The following EPHA3 variants were observed in gnomAD, a reference collection of about 807,000 sequenced individuals.
The protein encoded by EPHA3 is ephrin type-A receptor 3.
EPHA3 carries 42 observed loss-of-function variants against 107.1 expected under a neutral mutation model. The ratio of observed to expected loss-of-function variants is 0.39; its 90% CI spans 0.31 to 0.51. The LOEUF is 0.51. EPHA3 is among the 20% of genes least tolerant of loss of function. The pLI is 0.78. For synonymous variants in EPHA3, 461 were observed against 424.8 expected (o/e 1.09, Z -1.05); for missense variants, 1,183 against 1,211.2 (o/e 0.98, Z 0.35).
At chr3:89,314,199 A>T (rs1171415001) in intron 3 of EPHA3, among the ~76,000 whole-genome samples, 2 of 151,958 alleles carry the variant, frequency 1.3e-5, no homozygotes, top group Non-Finnish European at 2.9e-5. Flanking sequence ...TGTCAAATTT[A>T]GTTGCTATCT....
At chr3:89,430,413 C>T (rs780487117) in intron 12 of EPHA3, among the ~76,000 whole-genome samples, 6 of 151,992 alleles carry the variant, frequency 3.9e-5, no homozygotes, top group African/African-American at 1.2e-4. Context: ...TTTTCATAAT[C>T]GTTATTTCAA....
At chr3:89,280,012 T>C (rs938995586) in intron 3 of EPHA3, among the ~76,000 whole-genome samples, 3 of 148,744 alleles carry the variant, frequency 2.0e-5, no homozygotes, top group African/African-American at 7.5e-5. Flanking sequence ...GTTTCAACAA[T>C]TCTTGTGTGC....
intron 15 of EPHA3, among the ~76,000 whole-genome samples, chr3:89,456,122 C>G (rs1710093554): frequency 6.6e-6 from 1 of 152,180 alleles, no homozygotes; most frequent in African/African-American, 2.4e-5. Context: ...TTTCTGCTCT[C>G]TGAACAGATT....
At chr3:89,338,625 T>A (rs1445437350) in intron 3 of EPHA3, among the ~76,000 whole-genome samples, 2 of 152,244 alleles carry the variant, frequency 1.3e-5, no homozygotes, top group Non-Finnish European at 2.9e-5. Flanking sequence ...CTGGGCTCAC[T>A]GCAAGCTCCG....
intron 1 of EPHA3, among the ~76,000 whole-genome samples, chr3:89,121,191 G>A (rs540543833): frequency 2.6e-5 from 4 of 152,106 alleles, no homozygotes; most frequent in East Asian, 3.9e-4. Context: ...GGAGGAGATC[G>A]TGCCACTGCA....
chr3:89,298,161 C>A (rs1177487540), intron 3 of EPHA3, among the ~76,000 whole-genome samples: 1 of 152,186 alleles, frequency 6.6e-6, no homozygotes, highest in Non-Finnish European at 1.5e-5. Flanking sequence ...TCCCATGCCT[C>A]TACTACATTT....
rs77653763 is a variant in EPHA3, at chr3:89,256,062, C to T, written c.814+45542C>T. ...CCAAGGAGTTCAAGACCAGTCTATC[C>T]AACATGGTGAAACCACTTCTCTATT... On this transcript the variant is annotated intron_variant, in intron 3 of 16. Coordinates refer to ENST00000336596, the MANE Select transcript of EPHA3 (RefSeq NM_005233.6). 2.3e-4 allele frequency among the ~76,000 whole-genome samples: 35 copies of T among 151,948 alleles called. No homozygotes were observed. In the East Asian group the frequency reaches 6.8e-3, roughly 30 times the overall value.
chr3:89,359,140 G>T (rs563951868), intron 5 of EPHA3, among the ~76,000 whole-genome samples: 3 of 151,268 alleles, frequency 2.0e-5, no homozygotes, highest in Non-Finnish European at 4.4e-5. Flanking sequence ...ACAGTAATTA[G>T]TATGAAAGTG....
chr3:89,454,224 C>T (rs561814814), intron 15 of EPHA3, among the ~76,000 whole-genome samples: 2 of 152,228 alleles, frequency 1.3e-5, no homozygotes, highest in African/African-American at 4.8e-5. Context: ...TCTCTGCCAA[C>T]TACTTCCCTA....
At chr3:89,337,107 A>G (rs1707411320) in intron 3 of EPHA3, among the ~76,000 whole-genome samples, 1 of 152,060 alleles carries the variant, frequency 6.6e-6, no homozygotes, top group South Asian at 2.1e-4. Context: ...AATCCTAGAG[A>G]AAGACATGTA....
At chr3:89,129,607 T>G (rs1704162103) in intron 2 of EPHA3, among the ~76,000 whole-genome samples, 1 of 151,508 alleles carries the variant, frequency 6.6e-6, no homozygotes, top group Non-Finnish European at 1.5e-5. Context: ...AGATTGTTTT[T>G]TTTTTTTTTT....
chr3:89,219,688 G>GTTTTGTTTTT (rs1704308209), intron 3 of EPHA3, among the ~76,000 whole-genome samples: 1 of 34,440 alleles, frequency 2.9e-5, no homozygotes, highest in Non-Finnish European at 5.2e-5. Flanking sequence ...ATTTGGCAAT[G>GTTTTGTTTTT]TTTTTTTTTT....
chr3:89,136,726 G>T (rs1704324008), intron 2 of EPHA3, among the ~76,000 whole-genome samples: 1 of 151,706 alleles, frequency 6.6e-6, no homozygotes, highest in African/African-American at 2.4e-5. Flanking sequence ...ATTCATTTGT[G>T]CTTTATAATC....
Position 89,479,561 on chromosome 3 carries a change from C to T in EPHA3, c.*59C>T, listed in dbSNP as rs1260662856. The stretch of plus-strand genomic sequence containing the variant: ...GTGGCTGTGGAAGGCGTAGCATCAT[C>T]CTGCAGACAGACAATAATTCTGGAG... On this transcript the variant is annotated 3_prime_UTR_variant, in exon 17 of 17. Transcript: ENST00000336596. The T allele has an allele frequency of 3.1e-6, 4 of 1,298,712 alleles. No individual in the cohort carries two copies. Among genetic ancestry groups the T allele is most frequent in the Non-Finnish European group, 4.4e-6 (4 of 898,926 alleles). 80.4% of individuals were successfully genotyped at this position (1,298,712 alleles called of 1,614,324 possible).
At chr3:89,479,152 A>G (rs1397783279) in intron 16 of EPHA3, among the ~76,000 whole-genome samples, 1 of 152,160 alleles carries the variant, frequency 6.6e-6, no homozygotes, top group Admixed American at 6.5e-5. Context: ...CTATCCAAAT[A>G]AAATCGCATT....
At chr3:89,388,718 T>G (rs1211479556) in intron 5 of EPHA3, among the ~76,000 whole-genome samples, 1 of 152,230 alleles carries the variant, frequency 6.6e-6, no homozygotes, top group African/African-American at 2.4e-5. Flanking sequence ...TGTATCCTAC[T>G]GTAGTCCAAA....
intron 5 of EPHA3, among the ~76,000 whole-genome samples, chr3:89,351,395 A>C (rs1384283557): frequency 4.0e-5 from 6 of 150,212 alleles, no homozygotes; most frequent in African/African-American, 1.5e-4. Flanking sequence ...TGCGTCCGTC[A>C]CCCCTTTCTT....
chr3:89,399,638 C>T lies in EPHA3; in HGVS notation c.1594+158C>T, dbSNP rs530481291. ...ATTTGCAGAGCCCTGTGTCTGTATA[C>T]AGTATTTGTGTTTGTGTGGGTGTAC... is the stretch of plus-strand genomic sequence containing the variant. On this transcript the variant is annotated intron_variant, in intron 7 of 16. Coordinates refer to ENST00000336596, the MANE Select transcript of EPHA3 (RefSeq NM_005233.6). The T allele has an allele frequency of 3.9e-4, 521 of 1,336,350 alleles. 4 individuals are homozygous for T. In the African/African-American group the frequency reaches 6.7e-3, roughly 17 times the overall value. 82.8% of individuals were successfully genotyped at this position (1,336,350 alleles called of 1,614,324 possible). A position where few individuals can be genotyped will look rare whatever the true frequency, so the allele number is the denominator to read the frequency against.
intron 1 of EPHA3, among the ~76,000 whole-genome samples, chr3:89,112,738 T>C (rs1707143337): frequency 2.0e-5 from 3 of 151,950 alleles, no homozygotes; most frequent in Admixed American, 6.6e-5. Flanking sequence ...TCAAACTCGA[T>C]AAGGTTTTAT....
Sources: allele counts gnomAD v4.1 joint callset (sites outside exome capture counted in the v4.1 genomes callset), GRCh38; gene constraint gnomAD v4.1.1; transcripts MANE v1.5; gene names NCBI Gene and HGNC (gene_info 2026-07-23, HGNC 2026-07-21).